ARHGEF4: variants seen among roughly 807,000 people sequenced by gnomAD.
ARHGEF4 encodes Rho guanine nucleotide exchange factor 4.
In ARHGEF4, 119 loss-of-function variants were observed where a neutral mutation model predicts 162.0. That is an observed-to-expected ratio of 0.73 (90% CI 0.63 to 0.86). ARHGEF4 has a LOEUF of 0.86. ARHGEF4 is among the 40% of genes least tolerant of loss of function. The probability of loss-of-function intolerance (pLI) is 0.00; values close to 1 mark genes in which losing one functional copy is unlikely to be tolerated. For missense variants in ARHGEF4, 2,488 were observed against 2,456.0 expected, an observed-to-expected ratio of 1.01 and a Z score of -0.28; for synonymous variants, 1,014 against 979.9, an observed-to-expected ratio of 1.03 and a Z score of -0.65.
intron 4 of ARHGEF4, among the ~76,000 whole-genome samples, chr2:130,966,300 G>T (rs995576215): frequency 7.2e-5 from 11 of 152,176 alleles, no homozygotes; most frequent in Non-Finnish European, 1.2e-4. Flanking sequence ...TTCTCAACTG[G>T]TCAGAATTAA....
chr2:131,000,881 A>G (rs1445033841), intron 4 of ARHGEF4, among the ~76,000 whole-genome samples: 7 of 152,210 alleles, frequency 4.6e-5, no homozygotes, highest in Non-Finnish European at 1.0e-4. Flanking sequence ...GCTTCAAAAA[A>G]TTTTCCAAAC....
chr2:131,034,409 G>A (rs900292361), intron 5 of ARHGEF4, among the ~76,000 whole-genome samples: 1 of 152,212 alleles, frequency 6.6e-6, no homozygotes, highest in Non-Finnish European at 1.5e-5. Flanking sequence ...TGGAGGCAGA[G>A]GAAGCCCTGG....
chr2:130,845,043 C>T lies in ARHGEF4; in HGVS notation c.39+8051C>T, dbSNP rs999019507. 4.6e-5 allele frequency among the ~76,000 whole-genome samples: 7 copies of T among 151,548 alleles called. No homozygotes were observed. In the East Asian group the frequency reaches 9.9e-4, roughly 21 times the overall value. On this transcript the variant is annotated intron_variant, in intron 1 of 13. Transcript: ENST00000409359. The stretch of plus-strand genomic sequence containing the variant: ...TTCACCGTGTTGGCCAGGCTGGTCT[C>T]GAACTCCTGACCTCATGATCCGCCC...
In ARHGEF4 at chr2:130,843,114, C is replaced by A. The variant is rs190490024; in HGVS notation, c.39+6122C>A. On this transcript the variant is annotated intron_variant, in intron 1 of 13. Coordinates refer to ENST00000409359, the MANE Select transcript of ARHGEF4 (RefSeq NM_001367493.1). ...TTTCTATTTTCAAGATAGATGGGGC[C>A]AGATTTTCGGTTATATTGGGATCTC... Among the ~76,000 whole-genome samples the A allele has an allele frequency of 7.0e-4, 106 of 152,238 alleles. No individual in the cohort carries two copies. In the Middle Eastern group the frequency reaches 0.024, roughly 34 times the overall value.
intron 5 of ARHGEF4, among the ~76,000 whole-genome samples, chr2:131,032,848 CTT>C (rs111971610): frequency 1.2e-4 from 15 of 128,602 alleles, no homozygotes; most frequent in African/African-American, 2.0e-4. Context: ...TTTCTTTTTT[CTT>C]TTTTTTTTTT....
At chr2:130,970,152 A>G (rs184064041) in intron 4 of ARHGEF4, among the ~76,000 whole-genome samples, 11 of 152,344 alleles carry the variant, frequency 7.2e-5, no homozygotes, top group Non-Finnish European at 1.5e-4. Flanking sequence ...TTGGGTAAAT[A>G]CCTAGGAGTG....
In ARHGEF4 at chr2:130,916,440, C is replaced by A; in HGVS notation, c.2494C>A (p.Leu832Ile). The A allele has an allele frequency of 6.5e-7, 1 of 1,539,002 alleles. No individual in the cohort carries two copies. The highest frequency in any genetic ancestry group is 8.7e-7 in the Non-Finnish European group (1 of 1,144,868). Reference protein sequence around the residue: ...RRWGSSGPEGLPRENPPAAAG... With the variant: ...RRWGSSGPEGIPRENPPAAAG... ...CTGGGGCTCTTCAGGCCCCGAGGGG[C>A]TCCCCAGGGAGAATCCGCCCGCTGC... Residue 832 changes from leucine to isoleucine, a missense_variant, in exon 2 of 14, where the codon CTC (leucine) becomes ATC (isoleucine). This residue lies in a region of ARHGEF4 where 1,642 missense variants were observed against 1,481.5 expected (regional missense o/e 1.11). Transcript: ENST00000409359.
chr2:131,014,615 C>G (rs1028461513), intron 4 of ARHGEF4, among the ~76,000 whole-genome samples: 1 of 152,180 alleles, frequency 6.6e-6, no homozygotes. Flanking sequence ...TAAAGCAAGT[C>G]CCAGACATCA....
At position 131,046,577 on chromosome 2, in the gene ARHGEF4, G is replaced by A. The variant is rs114057432; in HGVS notation, c.*388G>A. 1,100 of 171,840 alleles carry A rather than the reference G, an allele frequency of 6.4e-3. 9 individuals carry two copies. Among genetic ancestry groups the A allele is most frequent in the Non-Finnish European group, 9.8e-3 (793 of 80,748 alleles). The allele number at this position is 171,840 out of a possible 1,614,324, so 10.6% of individuals were successfully genotyped here. A position where few individuals can be genotyped will look rare whatever the true frequency, so the allele number is the denominator to read the frequency against. ...ACCTAATCCTCCTTTCATTTCCTCT[G>A]GGCAGGACTCTCTGGCCTTCTGTGG... is the stretch of plus-strand genomic sequence containing the variant. On this transcript the variant is annotated 3_prime_UTR_variant, in exon 14 of 14. Coordinates refer to ENST00000409359, the MANE Select transcript of ARHGEF4 (RefSeq NM_001367493.1).
At chr2:131,005,703 T>G (rs1573590345) in intron 4 of ARHGEF4, among the ~76,000 whole-genome samples, 1 of 150,708 alleles carries the variant, frequency 6.6e-6, no homozygotes, top group African/African-American at 2.4e-5. Flanking sequence ...GGGGCGGGAG[T>G]GCCCAGCGCC....
intron 4 of ARHGEF4, among the ~76,000 whole-genome samples, chr2:130,970,116 T>G (rs80260098): frequency 1.3e-3 from 198 of 152,330 alleles, no homozygotes; most frequent in Non-Finnish European, 2.4e-3. Flanking sequence ...TGTGAGTCTT[T>G]GTATGTACGT....
intron 1 of ARHGEF4, among the ~76,000 whole-genome samples, chr2:130,901,984 T>G (rs1315291827): frequency 6.6e-6 from 1 of 152,182 alleles, no homozygotes; most frequent in Non-Finnish European, 1.5e-5. Context: ...TGGTTTACCC[T>G]GCCTTCCTTG....
chr2:130,991,699 C>T (rs1172948424), intron 4 of ARHGEF4, among the ~76,000 whole-genome samples: 1 of 152,244 alleles, frequency 6.6e-6, no homozygotes, highest in Non-Finnish European at 1.5e-5. Flanking sequence ...GGCCTCGGGA[C>T]TGCAGCCCGC....
chr2:130,946,128 G>T (rs1046265155), intron 3 of ARHGEF4, among the ~76,000 whole-genome samples: 14 of 152,282 alleles, frequency 9.2e-5, no homozygotes, highest in Middle Eastern at 3.4e-3. Context: ...CACGGATTTC[G>T]TGAGTTGTGT....
intron 4 of ARHGEF4, among the ~76,000 whole-genome samples, chr2:130,984,389 C>G (rs1402648120): frequency 6.6e-6 from 1 of 152,094 alleles, no homozygotes; most frequent in Non-Finnish European, 1.5e-5. Flanking sequence ...AACGGTATTG[C>G]AAAAGAATAT....
chr2:130,914,435 C>T lies in ARHGEF4; in HGVS notation c.489C>T (p.Asp163=). The T allele has an allele frequency of 7.0e-7, 1 of 1,437,284 alleles. No individual in the cohort carries two copies. The highest frequency in any genetic ancestry group is 9.1e-7 in the Non-Finnish European group (1 of 1,101,534). 89.0% of individuals were successfully genotyped at this position (1,437,284 alleles called of 1,614,324 possible). ...AACAGGAGGCAGGACACCTCTGGGACTGCGCGACCAGCCTGGAGCGAGAGT... is the reference window on the plus strand; with the variant it reads ...AACAGGAGGCAGGACACCTCTGGGATTGCGCGACCAGCCTGGAGCGAGAGT... ...AGEQEAGHLW[D]CATSLERESL... The change falls in exon 2 of 14, where the codon GAC becomes GAT. Residue 163 remains aspartate (D), a synonymous_variant. Coordinates refer to ENST00000409359, the MANE Select transcript of ARHGEF4 (RefSeq NM_001367493.1).
rs376099924 is a variant in ARHGEF4, at chr2:131,040,078, G to A, written c.4368G>A (p.Ala1456=). Residue 1456 remains alanine (A), a synonymous_variant, in exon 7 of 14, where the codon GCG becomes GCA. Coordinates refer to ENST00000409359, the MANE Select transcript of ARHGEF4 (RefSeq NM_001367493.1). ...CCCCTCTGGCCGGGAACAGCGGAGC[G>A]GAGGACGGCGGGGCGGAGGCGCAGA... ...DDAPLAGNSG[A]EDGGAEAQSS... 9.4e-6 allele frequency: 15 copies of A among 1,603,716 alleles called. No individual in the cohort carries two copies. In the African/African-American group the frequency reaches 1.7e-4, roughly 19 times the overall value.
chr2:130,924,024 G>C (rs1384572958), intron 2 of ARHGEF4, among the ~76,000 whole-genome samples: 1 of 151,586 alleles, frequency 6.6e-6, no homozygotes, highest in Non-Finnish European at 1.5e-5. Flanking sequence ...GGGACTACAG[G>C]CACCCGCCAA....
intron 1 of ARHGEF4, among the ~76,000 whole-genome samples, chr2:130,847,326 C>T (rs1681054704): frequency 6.6e-6 from 1 of 152,144 alleles, no homozygotes; most frequent in African/African-American, 2.4e-5. Context: ...AGTATGAGTG[C>T]CTCAATGCAG....
Sources: allele counts gnomAD v4.1 joint callset (sites outside exome capture counted in the v4.1 genomes callset), GRCh38; gene constraint gnomAD v4.1.1; regional missense constraint gnomAD v4.1.1; transcripts MANE v1.5; gene names NCBI Gene and HGNC (gene_info 2026-07-23, HGNC 2026-07-21).